Variants in CHD6 observed in about 807,000 individuals in gnomAD.
CHD6 encodes ATP-dependent chromatin remodeler CHD6.
Under a neutral mutation model 276.9 loss-of-function variants are expected in CHD6, and 50 were observed. The ratio of observed to expected loss-of-function variants is 0.18; its 90% CI spans 0.14 to 0.23. CHD6 has a LOEUF of 0.23. Ranked by LOEUF, CHD6 falls within the 10% of genes least tolerant of loss-of-function variation. The pLI is 1.00. For synonymous variants in CHD6, 1,173 were observed against 1,229.3 expected (o/e 0.95, Z 0.96); for missense variants, 2,564 against 3,365.8 (o/e 0.76, Z 5.89).
Position 41,405,505 on chromosome 20 carries a change from AAC to A in CHD6, c.7252-18_7252-17del. On this transcript the variant is annotated splice_polypyrimidine_tract_variant and intron_variant, in intron 36 of 36. Transcript: ENST00000373233. ...GAAGAAACCCCTGGAAAAACAAAGA[AAC>A]ACAAAATGCTGAAGGCAACAGGATG... The A allele has an allele frequency of 6.5e-7, 1 of 1,537,020 alleles. No individual in the cohort carries two copies. Among genetic ancestry groups the A allele is most frequent in the South Asian group, 1.3e-5 (1 of 78,478 alleles).
Position 41,454,622 on chromosome 20 carries a change from G to A in CHD6, c.3120+4C>T. The stretch of plus-strand genomic sequence containing the variant: ...CCATGGAATAAAATATTATTTTGCT[G>A]TACCTTTTCATTCTTTGCTTCAGTG... On this transcript the variant is annotated splice_donor_region_variant and intron_variant, in intron 20 of 36. Transcript: ENST00000373233. The A allele has an allele frequency of 6.3e-7, 1 of 1,599,540 alleles. No individual in the cohort carries two copies. The highest frequency in any genetic ancestry group is 8.6e-7 in the Non-Finnish European group (1 of 1,168,702).
chr20:41,434,082 T>C (rs2047627189), intron 27 of CHD6, among the ~76,000 whole-genome samples: 2 of 152,104 alleles, frequency 1.3e-5, no homozygotes, highest in African/African-American at 4.8e-5. Flanking sequence ...AATAATTACA[T>C]TAAGTGTAAA....
At chr20:41,437,451 G>A (rs2047747178) in intron 26 of CHD6, 117 bp from the exon 27 acceptor site, 3 of 625,462 alleles carry the variant, frequency 4.8e-6, no homozygotes, top group Non-Finnish European at 8.5e-6. Context: ...GAGAGACAGG[G>A]CGAGAGAGAG....
intron 1 of CHD6, among the ~76,000 whole-genome samples, chr20:41,588,228 T>A (rs993984052): frequency 6.6e-6 from 1 of 152,154 alleles, no homozygotes; most frequent in Non-Finnish European, 1.5e-5. Context: ...ATTGCCACAA[T>A]AACGCTGAAC....
intron 17 of CHD6, 73 bp from the exon 18 acceptor site, chr20:41,457,501 T>G (rs2048412662): frequency 1.3e-6 from 2 of 1,517,944 alleles, no homozygotes; most frequent in African/African-American, 1.4e-5. Context: ...AATAGGGGAG[T>G]GCTTAAATGT....
rs371473837 is a variant in CHD6 at position 41,519,625 on chromosome 20, T to C, written c.555-4673A>G. On this transcript the variant is annotated intron_variant, in intron 3 of 36. Transcript: ENST00000373233. ...GCTGGGAAAACTGGCTAGCCATATG[T>C]AGAAAGCTGAAACTGGATCCCTTCC... Among the ~76,000 whole-genome samples the C allele has an allele frequency of 1.9e-4, 29 of 152,294 alleles. No homozygotes were observed. In the East Asian group the frequency reaches 3.7e-3, roughly 19 times the overall value.
chr20:41,562,739 G>A (rs2146188851), intron 1 of CHD6, among the ~76,000 whole-genome samples: 1 of 152,256 alleles, frequency 6.6e-6, no homozygotes, highest in Admixed American at 6.5e-5. Context: ...AGGGCCATGA[G>A]GACAGGGACC....
chr20:41,409,260 G>A (rs1600786474), intron 36 of CHD6, among the ~76,000 whole-genome samples: 1 of 152,128 alleles, frequency 6.6e-6, no homozygotes, highest in African/African-American at 2.4e-5. Context: ...GCAGCGCGGC[G>A]ACCACACACA....
intron 36 of CHD6, among the ~76,000 whole-genome samples, chr20:41,406,813 G>A (rs2046691209): frequency 1.3e-5 from 2 of 152,116 alleles, no homozygotes; most frequent in African/African-American, 4.8e-5. Flanking sequence ...ACATGCCCAT[G>A]GTATTAAAAA....
At chr20:41,419,453 G>A (rs945568906) in intron 31 of CHD6, among the ~76,000 whole-genome samples, 1 of 145,710 alleles carries the variant, frequency 6.9e-6, no homozygotes, top group African/African-American at 2.5e-5. Context: ...GCACACACCT[G>A]TAATCCCAGC....
At chr20:41,574,120 A>G (rs2045447344) in intron 1 of CHD6, among the ~76,000 whole-genome samples, 1 of 150,430 alleles carries the variant, frequency 6.6e-6, no homozygotes, top group African/African-American at 2.5e-5. Flanking sequence ...CTGAAAAGGG[A>G]AAGAGGAAGA....
intron 1 of CHD6, among the ~76,000 whole-genome samples, chr20:41,568,440 A>C (rs2045382644): frequency 1.3e-5 from 2 of 152,246 alleles, no homozygotes; most frequent in East Asian, 3.8e-4. Flanking sequence ...TTAGCAGAGA[A>C]AAGTTTGTAC....
At chr20:41,536,192 A>C (rs996311392) in intron 2 of CHD6, among the ~76,000 whole-genome samples, 1 of 152,222 alleles carries the variant, frequency 6.6e-6, no homozygotes, top group East Asian at 1.9e-4. Context: ...TAAAAGGAAC[A>C]GGTTGAAGAT....
intron 3 of CHD6, among the ~76,000 whole-genome samples, chr20:41,532,391 A>G (rs2044707950): frequency 6.6e-6 from 1 of 152,134 alleles, no homozygotes; most frequent in South Asian, 2.1e-4. Flanking sequence ...GTGCATACTG[A>G]CGGCTCTCTC....
At chr20:41,613,885 G>C (rs953831686) in intron 1 of CHD6, among the ~76,000 whole-genome samples, 1 of 151,960 alleles carries the variant, frequency 6.6e-6, no homozygotes, top group African/African-American at 2.4e-5. Context: ...AGACTCCCTA[G>C]GGGTCCACGA....
chr20:41,602,159 C>T (rs1033340845), intron 1 of CHD6, among the ~76,000 whole-genome samples: 1 of 152,170 alleles, frequency 6.6e-6, no homozygotes, highest in Non-Finnish European at 1.5e-5. Flanking sequence ...GATCAAATAC[C>T]CATGTCCCTA....
At chr20:41,500,969 G>C (rs755342166) in intron 5 of CHD6, among the ~76,000 whole-genome samples, 6 of 152,076 alleles carry the variant, frequency 3.9e-5, no homozygotes, top group Non-Finnish European at 8.8e-5. Context: ...ATACTGTCAG[G>C]ACGGTAACAG....
intron 16 of CHD6, among the ~76,000 whole-genome samples, chr20:41,482,981 T>C (rs2043328536): frequency 6.6e-6 from 1 of 152,178 alleles, no homozygotes; most frequent in South Asian, 2.1e-4. Flanking sequence ...GCAACAAAAA[T>C]GTAAATACAT....
At chr20:41,506,542 A>T (rs1291645476) in intron 5 of CHD6, among the ~76,000 whole-genome samples, 1 of 152,178 alleles carries the variant, frequency 6.6e-6, no homozygotes, top group Non-Finnish European at 1.5e-5. Flanking sequence ...CCCTATTTAA[A>T]ACTGCAATCC....
Sources: gnomAD v4.1 joint callset for allele counts (sites outside exome capture counted in the v4.1 genomes callset) on GRCh38, gnomAD v4.1.1 for gene constraint, MANE v1.5 for transcripts, NCBI Gene and HGNC (gene_info 2026-07-23, HGNC 2026-07-21) for gene names.